CDC73: variants seen among roughly 807,000 people sequenced by gnomAD.
CDC73 encodes parafibromin.
A neutral mutation model predicts 83.7 loss-of-function variants in CDC73; 21 were observed. The ratio of observed to expected loss-of-function variants is 0.25; its 90% CI spans 0.18 to 0.36. The LOEUF (loss-of-function observed/expected upper bound fraction) is 0.36. Among genes scored for constraint, CDC73 ranks in the 10% least tolerant of loss-of-function variants. The pLI is 1.00. For missense variants in CDC73, 342 were observed against 653.3 expected, an observed-to-expected ratio of 0.52 and a Z score of 5.19; for synonymous variants, 224 against 212.9, an observed-to-expected ratio of 1.05 and a Z score of -0.45.
intron 10 of CDC73, among the ~76,000 whole-genome samples, chr1:193,167,327 C>T (rs1676450104): frequency 6.6e-6 from 1 of 152,138 alleles, no homozygotes; most frequent in Admixed American, 6.5e-5. Context: ...ATGTAGGCTA[C>T]TCATAGAGGC....
chr1:193,146,181 G>T (rs891636937), intron 7 of CDC73, among the ~76,000 whole-genome samples: 4 of 152,106 alleles, frequency 2.6e-5, no homozygotes, highest in Non-Finnish European at 4.4e-5. Context: ...GTACCCAAGT[G>T]CCAAGCAAGG....
intron 7 of CDC73, 139 bp downstream of exon 7, chr1:193,142,205 T>G: frequency 1.4e-6 from 1 of 739,738 alleles, no homozygotes; most frequent in Non-Finnish European, 2.4e-6. Flanking sequence ...TCAGTAATAA[T>G]GTAGATTTCC....
intron 13 of CDC73, among the ~76,000 whole-genome samples, chr1:193,230,236 C>T (rs1156782411): frequency 6.7e-6 from 1 of 149,512 alleles, no homozygotes; most frequent in Non-Finnish European, 1.5e-5. Flanking sequence ...GCAACCTCTG[C>T]CTTCTGAGAT....
intron 11 of CDC73, 49 bp downstream of exon 11, chr1:193,203,901 A>C (rs760286533): frequency 6.7e-7 from 1 of 1,502,956 alleles, no homozygotes; most frequent in South Asian, 1.1e-5. Context: ...AGATCGTAAC[A>C]GTGCAAGTTT....
At chr1:193,228,243 C>G (rs1572212386) in intron 13 of CDC73, among the ~76,000 whole-genome samples, 1 of 152,150 alleles carries the variant, frequency 6.6e-6, no homozygotes, top group African/African-American at 2.4e-5. Flanking sequence ...GTTTTTATTA[C>G]TGGCACATGC....
chr1:193,160,388 A>G (rs1366482077), intron 10 of CDC73, among the ~76,000 whole-genome samples: 1 of 152,100 alleles, frequency 6.6e-6, no homozygotes, highest in East Asian at 1.9e-4. Context: ...AGAATAGGAA[A>G]CACAGAAACC....
At chr1:193,180,799 A>T in intron 10 of CDC73, 1 of 1,614,156 alleles carries the variant, frequency 6.2e-7, no homozygotes, top group Non-Finnish European at 8.5e-7. Context: ...GTTGACAAAC[A>T]TGTCACTGTC....
At chr1:193,152,093 T>A (rs1290060279) in intron 9 of CDC73, among the ~76,000 whole-genome samples, 2 of 152,216 alleles carry the variant, frequency 1.3e-5, no homozygotes, top group Non-Finnish European at 2.9e-5. Context: ...TTTGGGGTTA[T>A]AAAGTATTCA....
intron 10 of CDC73, among the ~76,000 whole-genome samples, chr1:193,201,326 A>C (rs2103176122): frequency 6.6e-6 from 1 of 152,304 alleles, no homozygotes; most frequent in South Asian, 2.1e-4. Context: ...TAGGTCTTGC[A>C]GGCCACTAGA....
intron 10 of CDC73, among the ~76,000 whole-genome samples, chr1:193,198,817 G>T (rs891449660): frequency 6.6e-6 from 1 of 152,200 alleles, no homozygotes; most frequent in African/African-American, 2.4e-5. Context: ...TGCTTACTAG[G>T]CATGTGACCT....
intron 10 of CDC73, among the ~76,000 whole-genome samples, chr1:193,162,620 C>T (rs1467118539): frequency 6.6e-6 from 1 of 152,018 alleles, no homozygotes; most frequent in Non-Finnish European, 1.5e-5. Context: ...CTGCCCACCT[C>T]AGGCTTCCAA....
At chr1:193,161,132 T>G (rs1397796380) in intron 10 of CDC73, 1 of 176,184 alleles carries the variant, frequency 5.7e-6, no homozygotes, top group Non-Finnish European at 1.2e-5. Context: ...GGTCTTTTTC[T>G]TGATGGATGT....
intron 8 of CDC73, among the ~76,000 whole-genome samples, chr1:193,148,639 ATTTTTTTTT>A (rs894987430): frequency 3.5e-5 from 4 of 113,662 alleles, no homozygotes; most frequent in South Asian, 2.7e-4. Flanking sequence ...AAAATTTATA[ATTTTTTTTT>A]TTTTTTTTTT....
intron 1 of CDC73, 72 bp from the exon 2 acceptor site, chr1:193,125,040 A>G: frequency 2.5e-6 from 2 of 812,146 alleles, no homozygotes; most frequent in South Asian, 1.4e-5. Flanking sequence ...AAAGTTGTTT[A>G]TATAAATGAA....
In CDC73 at chr1:193,147,693, C is replaced by T. The variant is rs151214767; in HGVS notation, c.730-174C>T. 7.2e-5 allele frequency among the ~76,000 whole-genome samples: 11 copies of T among 152,172 alleles called. No individual in the cohort carries two copies. The East Asian group carries it at 2.1e-3, about 29-fold the overall frequency. On this transcript the variant is annotated intron_variant, in intron 7 of 16. Coordinates refer to ENST00000367435, the MANE Select transcript of CDC73 (RefSeq NM_024529.5). ...TACCATGGGATTTACAATAATCAGT[C>T]TCTGGATCAATATCTTAGTAGTGGT...
chr1:193,202,089 A>G (rs952818251), intron 10 of CDC73, among the ~76,000 whole-genome samples: 2 of 152,166 alleles, frequency 1.3e-5, no homozygotes, highest in African/African-American at 4.8e-5. Context: ...ACATACTAGA[A>G]TAGGTAAGTA....
intron 3 of CDC73, among the ~76,000 whole-genome samples, chr1:193,131,972 G>A (rs188393607): frequency 3.3e-5 from 5 of 152,278 alleles, no homozygotes; most frequent in Admixed American, 3.3e-4. Flanking sequence ...CCATTAGAAG[G>A]TAAATCCTAA....
intron 6 of CDC73, among the ~76,000 whole-genome samples, chr1:193,139,259 A>G (rs1000884878): frequency 1.3e-4 from 19 of 150,712 alleles, no homozygotes; most frequent in Admixed American, 2.6e-4. Flanking sequence ...TTTCATCTGA[A>G]GTTTGTTTTG....
At chr1:193,221,691 T>A (rs932956459) in intron 13 of CDC73, among the ~76,000 whole-genome samples, 1 of 152,190 alleles carries the variant, frequency 6.6e-6, no homozygotes, top group Non-Finnish European at 1.5e-5. Context: ...AAAGTAAATT[T>A]TAGTGTCATT....
Sources: gnomAD v4.1 joint callset for allele counts (sites outside exome capture counted in the v4.1 genomes callset) on GRCh38, gnomAD v4.1.1 for gene constraint, MANE v1.5 for transcripts, NCBI Gene and HGNC (gene_info 2026-07-23, HGNC 2026-07-21) for gene names.